MDN1: variants seen among roughly 807,000 people sequenced by gnomAD.
The protein encoded by MDN1 is midasin AAA ATPase 1.
Under a neutral mutation model 669.2 loss-of-function variants are expected in MDN1, and 266 were observed. That is an observed-to-expected ratio of 0.40 (90% CI 0.36 to 0.44). The LOEUF (loss-of-function observed/expected upper bound fraction) is 0.44. Ranked by LOEUF, MDN1 falls within the 20% of genes least tolerant of loss-of-function variation. MDN1 has a pLI of 1.00. For missense variants in MDN1, 5,940 were observed against 6,754.0 expected, an observed-to-expected ratio of 0.88 and a Z score of 4.22; for synonymous variants, 2,385 against 2,457.1, an observed-to-expected ratio of 0.97 and a Z score of 0.87.
At chr6:89,723,647 A>G in intron 38 of MDN1, 28 bp from the exon 39 acceptor site, 1 of 1,345,960 alleles carries the variant, frequency 7.4e-7, no homozygotes, top group Non-Finnish European at 1.0e-6. Flanking sequence ...ATATGAAGAA[A>G]TGCCTTTGTT....
chr6:89,648,154 G>A lies in MDN1; in HGVS notation c.16281-8C>T, dbSNP rs377187930. 6 of 1,611,320 alleles carry A rather than the reference G, an allele frequency of 3.7e-6. No individual in the cohort carries two copies. The highest frequency in any genetic ancestry group is 5.1e-6 in the Non-Finnish European group (6 of 1,177,626). Reference sequence around the variant, plus strand: ...TTTACAGATTCTCCAAAACTTGGGGGAGGAAAACCAAATACAACAGGAGTT... The same window carrying A: ...TTTACAGATTCTCCAAAACTTGGGGAAGGAAAACCAAATACAACAGGAGTT... On this transcript the variant is annotated splice_polypyrimidine_tract_variant and splice_region_variant and intron_variant, in intron 98 of 101. Coordinates refer to ENST00000369393, the MANE Select transcript of MDN1 (RefSeq NM_014611.3).
intron 61 of MDN1, 138 bp from the exon 62 acceptor site, chr6:89,694,321 T>C: frequency 1.5e-6 from 1 of 669,676 alleles, no homozygotes; most frequent in South Asian, 1.8e-5. Context: ...GTGGCTCTGC[T>C]CCATTAATCT....
chr6:89,650,715 CAGAGGGGA>C lies in MDN1; in HGVS notation c.16031+9_16031+16del. 1 of 1,603,420 alleles carries C rather than the reference CAGAGGGGA, an allele frequency of 6.2e-7. No individual in the cohort carries two copies. Among genetic ancestry groups the C allele is most frequent in the South Asian group, 1.1e-5 (1 of 90,762 alleles). On this transcript the variant is annotated intron_variant, in intron 96 of 101. Coordinates refer to ENST00000369393, the MANE Select transcript of MDN1 (RefSeq NM_014611.3). ...CTTCTCAGGGCACTGTGAGGCCTTC[CAGAGGGGA>C]AGACTTACTTCAGCTTGGCTGCCTG...
chr6:89,732,484 G>A (rs1443896192), intron 34 of MDN1, 73 bp downstream of exon 34: 1 of 1,298,016 alleles, frequency 7.7e-7, no homozygotes, highest in Non-Finnish European at 1.1e-6. Flanking sequence ...CTGGGTCAGA[G>A]GCCTGGGCTT....
chr6:89,645,363 C>A lies in MDN1; in HGVS notation c.16460-206G>T, dbSNP rs186960279. 1.3e-3 allele frequency among the ~76,000 whole-genome samples: 195 copies of A among 152,204 alleles called. 2 individuals carry two copies. The highest frequency in any genetic ancestry group is 4.6e-3 in the African/African-American group (190 of 41,516). ...TAGAATGCTTGAGTCAGAGACAAGGCATAATAAGGGATACTAAGTAAGCTT... is the reference window on the plus strand; with the variant it reads ...TAGAATGCTTGAGTCAGAGACAAGGAATAATAAGGGATACTAAGTAAGCTT... On this transcript the variant is annotated intron_variant, in intron 100 of 101. Transcript: ENST00000369393.
At chr6:89,725,443 ACTGC>A (rs1271504302) in intron 37 of MDN1, 47 bp from the exon 38 acceptor site, 4 of 1,474,962 alleles carry the variant, frequency 2.7e-6, no homozygotes, top group Admixed American at 1.7e-5. Flanking sequence ...ATATTATACA[ACTGC>A]AACAAAAAGC....
At position 89,693,183 on chromosome 6, in the gene MDN1, CAGA is replaced by C. The variant is rs1359380262; in HGVS notation, c.9882-38_9882-36del. On this transcript the variant is annotated intron_variant, in intron 62 of 101. Transcript: ENST00000369393. Reference sequence around the variant, plus strand: ...AATTAACACAATATGCCAATTATGTCAGAAGAAGAGCAGCAAATCTAGATTGGA... The same window carrying C: ...AATTAACACAATATGCCAATTATGTCAGAAGAGCAGCAAATCTAGATTGGA... 2.8e-6 allele frequency: 4 copies of C among 1,446,246 alleles called. No homozygotes were observed. The South Asian group carries it at 5.4e-5, about 20-fold the overall frequency. The allele number at this position is 1,446,246 out of a possible 1,614,324, so 89.6% of individuals were successfully genotyped here.
Position 89,672,378 on chromosome 6 carries a change from C to T in MDN1, c.13631-15G>A, listed in dbSNP as rs1810862984. Reference sequence around the variant, plus strand: ...CTCAAAGCCTGCTGCCTCATTCATTCAGAGAAAATAACAACATGATGAATA... The same window carrying T: ...CTCAAAGCCTGCTGCCTCATTCATTTAGAGAAAATAACAACATGATGAATA... On this transcript the variant is annotated splice_polypyrimidine_tract_variant and intron_variant, in intron 81 of 101. Coordinates refer to ENST00000369393, the MANE Select transcript of MDN1 (RefSeq NM_014611.3). 1 of 1,610,334 alleles carries T rather than the reference C, an allele frequency of 6.2e-7. No homozygotes were observed. The highest frequency in any genetic ancestry group is 1.3e-5 in the African/African-American group (1 of 74,734).
At chr6:89,811,189 A>T (rs1417149172) in intron 1 of MDN1, among the ~76,000 whole-genome samples, 2 of 152,176 alleles carry the variant, frequency 1.3e-5, no homozygotes, top group Non-Finnish European at 2.9e-5. Context: ...ATGAAGTTTT[A>T]AAAAATTATA....
chr6:89,771,569 C>G lies in MDN1; in HGVS notation c.2136G>C (p.Leu712Phe). The change falls in exon 15 of 102, where the codon TTG becomes TTC. Residue 712 changes from leucine (L) to phenylalanine (F), a missense_variant. Around this residue, in one of 5 missense-constraint regions of MDN1, gnomAD observed 1,203 missense variants for 1,268.9 expected, o/e 0.95. Coordinates refer to ENST00000369393, the MANE Select transcript of MDN1 (RefSeq NM_014611.3). ...NMNQQSDTADLLGGYKPVDHK... is the reference protein window; with the variant it reads ...NMNQQSDTADFLGGYKPVDHK... ...TTTTAAGCCACACTTACCCTCCAAG[C>G]AAGTCTGCAGTATCACTTTGTTGAT... 6.2e-7 allele frequency: 1 copy of G among 1,613,404 alleles called. No homozygotes were observed. The highest frequency in any genetic ancestry group is 8.5e-7 in the Non-Finnish European group (1 of 1,179,662).
chr6:89,656,501 G>A (rs2128299828), intron 91 of MDN1, among the ~76,000 whole-genome samples, 199 bp downstream of exon 91: 1 of 152,296 alleles, frequency 6.6e-6, no homozygotes, highest in East Asian at 1.9e-4. Context: ...GACACAGGCA[G>A]GGAAGAAGCC....
At chr6:89,701,476 A>G in intron 55 of MDN1, 82 bp downstream of exon 55, 1 of 1,522,582 alleles carries the variant, frequency 6.6e-7, no homozygotes, top group Non-Finnish European at 9.0e-7. Context: ...TTAATCTTAT[A>G]CAATGTCAGT....
chr6:89,743,820 G>A, intron 29 of MDN1, 106 bp from the exon 30 acceptor site: 1 of 1,271,754 alleles, frequency 7.9e-7, no homozygotes, highest in Non-Finnish European at 1.1e-6. Context: ...TCTCACTGCA[G>A]CAGTAAACAG....
intron 63 of MDN1, among the ~76,000 whole-genome samples, chr6:89,692,116 TTAA>T (rs1812412943): frequency 6.6e-6 from 1 of 152,158 alleles, no homozygotes; most frequent in African/African-American, 2.4e-5. Flanking sequence ...ATTACTTTTA[TTAA>T]TAAGGGAACA....
chr6:89,743,014 T>C, intron 31 of MDN1, 136 bp downstream of exon 31: 2 of 1,048,260 alleles, frequency 1.9e-6, no homozygotes, highest in South Asian at 1.7e-5. Context: ...CCCAGAAGTT[T>C]GAGGCTACAG....
At chr6:89,732,164 T>C (rs1815645056) in intron 34 of MDN1, among the ~76,000 whole-genome samples, 1 of 151,472 alleles carries the variant, frequency 6.6e-6, no homozygotes, top group South Asian at 2.1e-4. Context: ...TGCACAAAAA[T>C]AAAATTGCTT....
intron 40 of MDN1, among the ~76,000 whole-genome samples, chr6:89,722,002 C>G (rs1814860277): frequency 6.6e-6 from 1 of 152,112 alleles, no homozygotes; most frequent in Non-Finnish European, 1.5e-5. Context: ...TGGAGAGGGC[C>G]TAAACTGGAA....
At position 89,643,867 on chromosome 6, in the gene MDN1, T is replaced by C; in HGVS notation, c.*138A>G. On this transcript the variant is annotated 3_prime_UTR_variant, in exon 102 of 102. Transcript: ENST00000369393. ...GGCAAAGCCGGGAGCCAGAGAGCATTCTGTAGGCTGTAAGATCACGTTGTA... is the reference window on the plus strand; with the variant it reads ...GGCAAAGCCGGGAGCCAGAGAGCATCCTGTAGGCTGTAAGATCACGTTGTA... 1.3e-6 allele frequency: 1 copy of C among 779,932 alleles called. No individual in the cohort carries two copies. The highest frequency in any genetic ancestry group is 1.9e-6 in the Non-Finnish European group (1 of 523,118). The allele number at this position is 779,932 out of a possible 1,614,324, so 48.3% of individuals were successfully genotyped here. A position where few individuals can be genotyped will look rare whatever the true frequency, so the allele number is the denominator to read the frequency against.
In MDN1 at chr6:89,750,463, T is replaced by C; in HGVS notation, c.3297A>G (p.Ala1099=). 1 of 1,614,096 alleles carries C rather than the reference T, an allele frequency of 6.2e-7. No homozygotes were observed. The highest frequency in any genetic ancestry group is 1.3e-5 in the African/African-American group (1 of 75,042). Reference sequence around the variant, plus strand: ...TACGCACACAGTGGTTGCCAGTAGCTGCAGCCAGCCACTGGATCAGGCTTG... The same window carrying C: ...TACGCACACAGTGGTTGCCAGTAGCCGCAGCCAGCCACTGGATCAGGCTTG... ...GKTSLIQWLA[A]ATGNHCVRIN... is the part of the protein sequence containing the mutation. The change falls in exon 24 of 102, where the codon GCA becomes GCG. Residue 1099 remains alanine (A), a synonymous_variant. Coordinates refer to ENST00000369393, the MANE Select transcript of MDN1 (RefSeq NM_014611.3).
Sources: allele counts gnomAD v4.1 joint callset (sites outside exome capture counted in the v4.1 genomes callset), GRCh38; gene constraint gnomAD v4.1.1; regional missense constraint gnomAD v4.1.1; transcripts MANE v1.5; gene names NCBI Gene and HGNC (gene_info 2026-07-23, HGNC 2026-07-21).